Variants in ADGRE1 observed in about 807,000 individuals in gnomAD.
ADGRE1 encodes the protein adhesion G protein-coupled receptor E1.
Under a neutral mutation model 102.7 loss-of-function variants are expected in ADGRE1, and 82 were observed. The observed-to-expected ratio is 0.80, with a 90% CI of 0.67 to 0.96. ADGRE1 has a LOEUF of 0.96. Ranked by LOEUF, ADGRE1 falls within the 40% of genes least tolerant of loss-of-function variation. The pLI, the probability that ADGRE1 is intolerant of heterozygous loss-of-function variation, is 0.00. For missense variants in ADGRE1, 1,032 were observed against 1,085.3 expected (o/e 0.95, Z 0.69); for synonymous variants, 398 against 399.6 (o/e 1.00, Z 0.05).
chr19:6,914,139 T>G (rs1295847203), intron 11 of ADGRE1, among the ~76,000 whole-genome samples: 9 of 152,262 alleles, frequency 5.9e-5, no homozygotes, highest in Non-Finnish European at 1.5e-5. Context: ...TTTGCCCTGC[T>G]GGGCCCATGG....
intron 13 of ADGRE1, among the ~76,000 whole-genome samples, chr19:6,920,710 G>A (rs185083988): frequency 1.3e-4 from 20 of 150,642 alleles, no homozygotes; most frequent in African/African-American, 4.9e-4. Context: ...GAGTTTCACC[G>A]TGTTGCTCAG....
intron 17 of ADGRE1, among the ~76,000 whole-genome samples, chr19:6,934,385 C>G (rs1414381965): frequency 2.0e-5 from 3 of 149,696 alleles, no homozygotes; most frequent in African/African-American, 4.9e-5. Context: ...GGATTGGTTG[C>G]TATAAATCGT....
intron 2 of ADGRE1, among the ~76,000 whole-genome samples, chr19:6,893,024 T>G (rs1050339104): frequency 6.6e-6 from 1 of 152,136 alleles, no homozygotes; most frequent in Non-Finnish European, 1.5e-5. Flanking sequence ...GTCATTCTGC[T>G]CTCTACCTCC....
chr19:6,909,357 C>T (rs540073118), intron 10 of ADGRE1, among the ~76,000 whole-genome samples: 22 of 152,264 alleles, frequency 1.4e-4, no homozygotes, highest in African/African-American at 5.3e-4. Context: ...CCTTGGGCTT[C>T]TCCTTTATAG....
chr19:6,934,602 T>G (rs75144932), intron 17 of ADGRE1, among the ~76,000 whole-genome samples: 1 of 68,282 alleles, frequency 1.5e-5, no homozygotes, highest in African/African-American at 1.3e-4. Context: ...ATTTTTGTAT[T>G]TTTTTTTTTT....
rs149745999 is a variant in ADGRE1, at chr19:6,924,745, C to T, written c.1859C>T (p.Ala620Val). The T allele has an allele frequency of 1.4e-4, 228 of 1,614,152 alleles. No homozygotes were observed. The highest frequency in any genetic ancestry group is 1.7e-4 in the Non-Finnish European group (206 of 1,180,040). Residue 620 changes from alanine (A) to valine (V), a missense_variant, in exon 15 of 21, where the codon GCC becomes GTC. Transcript: ENST00000312053. ...IIISLVCLVLAIATFLLCRSI... is the reference protein window; with the variant it reads ...IIISLVCLVLVIATFLLCRSI... ...ATCTCCTTGGTGTGCCTCGTCTTGG[C>T]CATCGCCACCTTTCTGCTGTGTCGC...
chr19:6,930,258 A>G (rs569635153), intron 17 of ADGRE1, among the ~76,000 whole-genome samples: 1 of 152,284 alleles, frequency 6.6e-6, no homozygotes, highest in South Asian at 2.1e-4. Context: ...GGAAGGAGTG[A>G]GATGACAGAG....
rs968690110 is a variant in ADGRE1, at chr19:6,940,431, T to G, written c.*402T>G. The G allele has an allele frequency of 2.3e-5, 5 of 215,804 alleles. No individual in the cohort carries two copies. Among genetic ancestry groups the G allele is most frequent in the Admixed American group, 5.2e-5 (1 of 19,324 alleles). 13.4% of individuals were successfully genotyped at this position (215,804 alleles called of 1,614,324 possible). A position where few individuals can be genotyped will look rare whatever the true frequency, so the allele number is the denominator to read the frequency against. On this transcript the variant is annotated 3_prime_UTR_variant, in exon 21 of 21. Coordinates refer to ENST00000312053, the MANE Select transcript of ADGRE1 (RefSeq NM_001974.5). Reference sequence around the variant, plus strand: ...ACCTCTCAATAAATGATTTGTCGCCTGTCTGACTGATTTACCCTAGGATAA... The same window carrying G: ...ACCTCTCAATAAATGATTTGTCGCCGGTCTGACTGATTTACCCTAGGATAA...
intron 10 of ADGRE1, 146 bp from the exon 11 acceptor site, chr19:6,913,507 T>C (rs1337152736): frequency 5.9e-6 from 4 of 678,100 alleles, no homozygotes; most frequent in Non-Finnish European, 6.7e-6. Flanking sequence ...TGGGGCTTCT[T>C]GAATCAGAAA....
chr19:6,926,216 A>G, intron 15 of ADGRE1, 150 bp from the exon 16 acceptor site: 1 of 833,658 alleles, frequency 1.2e-6, no homozygotes, highest in Non-Finnish European at 1.8e-6. Flanking sequence ...CCTGTGGTCA[A>G]GAACCACTGC....
chr19:6,919,796 C>A, intron 13 of ADGRE1, 49 bp downstream of exon 13: 1 of 1,568,848 alleles, frequency 6.4e-7, no homozygotes, highest in Non-Finnish European at 8.8e-7. Context: ...GTTGGGAACT[C>A]CTCGTCTCTC....
chr19:6,914,738 A>AG (rs1443126926), intron 11 of ADGRE1, among the ~76,000 whole-genome samples: 1 of 152,218 alleles, frequency 6.6e-6, no homozygotes. Flanking sequence ...AGCACTATTG[A>AG]GAAAAAGTAC....
At chr19:6,918,936 G>A (rs1974513590) in intron 12 of ADGRE1, among the ~76,000 whole-genome samples, 2 of 152,178 alleles carry the variant, frequency 1.3e-5, no homozygotes, top group Non-Finnish European at 1.5e-5. Flanking sequence ...TATTGGCCAG[G>A]TTGGCCTGGA....
At position 6,897,311 on chromosome 19, in the gene ADGRE1, C is replaced by T; in HGVS notation, c.394+7C>T. 6.2e-7 allele frequency: 1 copy of T among 1,613,846 alleles called. No homozygotes were observed. ...GGCAATTTCTCCTGTACTGGTAATG[C>T]TCTCAGGTTCCCAGGGATGGGTCTT... On this transcript the variant is annotated splice_region_variant and intron_variant, in intron 4 of 20. Transcript: ENST00000312053.
chr19:6,911,712 T>C (rs1974195834), intron 10 of ADGRE1, among the ~76,000 whole-genome samples: 3 of 150,394 alleles, frequency 2.0e-5, no homozygotes, highest in South Asian at 2.1e-4. Flanking sequence ...TACACACACA[T>C]ATACACCTCC....
chr19:6,920,525 T>TTTTC (rs1157126509), intron 13 of ADGRE1, among the ~76,000 whole-genome samples: 2 of 133,942 alleles, frequency 1.5e-5, no homozygotes, highest in Admixed American at 1.5e-4. Flanking sequence ...GCTTTTTTTT[T>TTTTC]TTTTTTTTTT....
intron 2 of ADGRE1, among the ~76,000 whole-genome samples, chr19:6,893,217 G>A (rs1211615605): frequency 6.6e-6 from 1 of 151,650 alleles, no homozygotes; most frequent in Non-Finnish European, 1.5e-5. Context: ...ATTTTTTTGA[G>A]ACGGAGTTTT....
At chr19:6,915,407 G>A (rs2641599) in intron 11 of ADGRE1, among the ~76,000 whole-genome samples, 2 of 152,010 alleles carry the variant, frequency 1.3e-5, no homozygotes, top group Non-Finnish European at 2.9e-5. Context: ...CCATTATCTA[G>A]TTTATTTTCA....
At chr19:6,912,452 A>C (rs1974242169) in intron 10 of ADGRE1, among the ~76,000 whole-genome samples, 1 of 152,230 alleles carries the variant, frequency 6.6e-6, no homozygotes, top group Non-Finnish European at 1.5e-5. Flanking sequence ...CAAATTAAAC[A>C]AGTTAATATA....
Sources: gnomAD v4.1 joint callset for allele counts (sites outside exome capture counted in the v4.1 genomes callset) on GRCh38, gnomAD v4.1.1 for gene constraint, MANE v1.5 for transcripts, NCBI Gene and HGNC (gene_info 2026-07-23, HGNC 2026-07-21) for gene names.